Variants in NRXN3 observed in about 807,000 individuals in gnomAD.
NRXN3 encodes neurexin 3, also known as neurexin III.
In NRXN3, 32 loss-of-function variants were observed where a neutral mutation model predicts 137.6. That is an observed-to-expected ratio of 0.23 (90% CI 0.18 to 0.31). The LOEUF (loss-of-function observed/expected upper bound fraction) is 0.31. Ranked by LOEUF, NRXN3 falls within the 10% of genes least tolerant of loss-of-function variation. The pLI, the probability that NRXN3 is intolerant of heterozygous loss-of-function variation, is 1.00. For missense variants in NRXN3, 1,574 were observed against 2,062.5 expected (o/e 0.76, Z 4.59); for synonymous variants, 798 against 784.5 (o/e 1.02, Z -0.29).
intron 10 of NRXN3, among the ~76,000 whole-genome samples, chr14:78,824,306 G>A (rs1364756950): frequency 1.3e-5 from 2 of 151,992 alleles, no homozygotes; most frequent in Admixed American, 1.3e-4. Context: ...TGTTCATTCA[G>A]TCAAGGGACT....
intron 1 of NRXN3, among the ~76,000 whole-genome samples, chr14:78,203,502 CTTG>C (rs2061866935): frequency 1.3e-5 from 2 of 152,080 alleles, no homozygotes; most frequent in African/African-American, 4.8e-5. Context: ...GGCTCATTTT[CTTG>C]TTGTTTTTCT....
At chr14:78,828,460 A>C (rs2098973029) in intron 10 of NRXN3, among the ~76,000 whole-genome samples, 1 of 152,214 alleles carries the variant, frequency 6.6e-6, no homozygotes, top group African/African-American at 2.4e-5. Flanking sequence ...TAGATTTAAA[A>C]GCCATATAGC....
rs140965568 is a variant in NRXN3, at chr14:78,848,874, T to C, written c.2275+38530T>C. Among the ~76,000 whole-genome samples, 500 of 152,076 alleles carry C rather than the reference T, an allele frequency of 3.3e-3. 2 individuals are homozygous for C. Among genetic ancestry groups the C allele is most frequent in the Non-Finnish European group, 5.4e-3 (369 of 67,964 alleles). On this transcript the variant is annotated intron_variant, in intron 10 of 20. Coordinates refer to ENST00000335750, the MANE Select transcript of NRXN3 (RefSeq NM_001330195.2). ...GAAGTGATGAATTTACCCCAAGCCA[T>C]GAAGGATGGGTAAGATTAGAACAGA...
At chr14:79,713,759 A>G (rs2098814323) in intron 19 of NRXN3, among the ~76,000 whole-genome samples, 1 of 150,560 alleles carries the variant, frequency 6.6e-6, no homozygotes, top group African/African-American at 2.4e-5. Context: ...AGTTTCACCA[A>G]TCATGTTCAT....
In NRXN3 at chr14:79,862,768, C is replaced by T. The variant is rs1436797311; in HGVS notation, c.*804C>T. On this transcript the variant is annotated 3_prime_UTR_variant, in exon 21 of 21. Coordinates refer to ENST00000335750, the MANE Select transcript of NRXN3 (RefSeq NM_001330195.2). ...TGAACACATAGCAAAATTCATGTGACGGATGATAAATTGATTCGAAAAGCT... is the reference window on the plus strand; with the variant it reads ...TGAACACATAGCAAAATTCATGTGATGGATGATAAATTGATTCGAAAAGCT... The T allele has an allele frequency of 1.3e-5, 2 of 152,554 alleles. No individual in the cohort carries two copies. The highest frequency in any genetic ancestry group is 2.4e-5 in the African/African-American group (1 of 41,408). The allele number at this position is 152,554 out of a possible 1,614,324, so 9.5% of individuals were successfully genotyped here.
intron 4 of NRXN3, among the ~76,000 whole-genome samples, chr14:78,615,939 G>A (rs79799657): frequency 0.011 from 1,639 of 152,224 alleles, 27 homozygotes; most frequent in African/African-American, 0.036. Context: ...CAGCCTGGGT[G>A]ACAAAGCAAG....
At chr14:78,864,178 CT>C (rs932315393) in intron 10 of NRXN3, among the ~76,000 whole-genome samples, 50 of 152,210 alleles carry the variant, frequency 3.3e-4, no homozygotes, top group African/African-American at 1.2e-3. Context: ...TACTTCACCT[CT>C]GTATTTCTCC....
At chr14:78,370,537 C>G (rs1367689481) in intron 4 of NRXN3, among the ~76,000 whole-genome samples, 1 of 152,154 alleles carries the variant, frequency 6.6e-6, no homozygotes, top group Non-Finnish European at 1.5e-5. Context: ...TTACTCATCT[C>G]TAGACTCTAA....
chr14:78,727,252 C>T (rs1429825760), intron 8 of NRXN3, among the ~76,000 whole-genome samples: 1 of 152,156 alleles, frequency 6.6e-6, no homozygotes. Context: ...GGAATGATGG[C>T]TTCCAGTACT....
chr14:79,011,164 C>A (rs960291508), intron 15 of NRXN3, among the ~76,000 whole-genome samples: 1 of 152,106 alleles, frequency 6.6e-6, no homozygotes, highest in Non-Finnish European at 1.5e-5. Flanking sequence ...TTTGTTCTTT[C>A]TTTGTACGTC....
chr14:79,539,556 A>G (rs1366511712), intron 16 of NRXN3, among the ~76,000 whole-genome samples: 1 of 152,164 alleles, frequency 6.6e-6, no homozygotes, highest in African/African-American at 2.4e-5. Context: ...TCTCAGATTC[A>G]TGTCTAATTC....
chr14:79,728,267 GC>G (rs1168554785), intron 19 of NRXN3, among the ~76,000 whole-genome samples: 3 of 152,136 alleles, frequency 2.0e-5, no homozygotes, highest in African/African-American at 7.2e-5. Flanking sequence ...AGCCTATAGA[GC>G]CCCCAACTCC....
intron 3 of NRXN3, chr14:78,279,710 A>G (rs887907344): frequency 7.9e-5 from 12 of 152,324 alleles, no homozygotes; most frequent in Non-Finnish European, 1.3e-4. Flanking sequence ...GGGACCTGTA[A>G]GTGAAAATTC....
At chr14:79,664,886 G>A (rs545971198) in intron 17 of NRXN3, among the ~76,000 whole-genome samples, 38 of 152,212 alleles carry the variant, frequency 2.5e-4, no homozygotes, top group African/African-American at 8.9e-4. Context: ...GAAGTGATGT[G>A]CTACTCTCTA....
In NRXN3 at chr14:78,625,826, C is replaced by T. The variant is rs544014842; in HGVS notation, c.758-19294C>T. 3.9e-5 allele frequency among the ~76,000 whole-genome samples: 6 copies of T among 152,266 alleles called. No homozygotes were observed. In the South Asian group the frequency reaches 1.2e-3, roughly 32 times the overall value. On this transcript the variant is annotated intron_variant, in intron 4 of 20. Coordinates refer to ENST00000335750, the MANE Select transcript of NRXN3 (RefSeq NM_001330195.2). ...GTGTGTGAGGCTCAAGGTTACCTGG[C>T]AAGGCAGTACAGGGCAGTAGTAAAG...
intron 10 of NRXN3, among the ~76,000 whole-genome samples, chr14:78,905,365 A>G (rs1187729615): frequency 6.6e-6 from 1 of 152,110 alleles, no homozygotes; most frequent in Non-Finnish European, 1.5e-5. Context: ...TGAATATTTT[A>G]TAGGAACATA....
At chr14:78,955,872 G>T (rs1461187634) in intron 10 of NRXN3, among the ~76,000 whole-genome samples, 2 of 152,268 alleles carry the variant, frequency 1.3e-5, no homozygotes, top group East Asian at 3.9e-4. Context: ...TCTTGGAGAG[G>T]AGGGAGGAGT....
chr14:79,800,981 A>T (rs963618970), intron 19 of NRXN3, among the ~76,000 whole-genome samples: 6 of 152,090 alleles, frequency 3.9e-5, no homozygotes, highest in African/African-American at 1.4e-4. Context: ...CCTTTTTGCA[A>T]ATTAAGGCCT....
chr14:79,710,166 A>AT (rs1308101034), intron 19 of NRXN3, among the ~76,000 whole-genome samples: 1 of 151,874 alleles, frequency 6.6e-6, no homozygotes, highest in African/African-American at 2.4e-5. Context: ...CTAGGGATTT[A>AT]TTTTTGCATG....
Sources: allele counts gnomAD v4.1 joint callset (sites outside exome capture counted in the v4.1 genomes callset), GRCh38; gene constraint gnomAD v4.1.1; transcripts MANE v1.5; gene names NCBI Gene and HGNC (gene_info 2026-07-23, HGNC 2026-07-21).